The following INTS8 variants were observed in gnomAD, a reference collection of about 807,000 sequenced individuals.
INTS8 encodes the protein protein kaonashi-1.
A neutral mutation model predicts 138.9 loss-of-function variants in INTS8; 47 were observed. The ratio of observed to expected loss-of-function variants is 0.34; its 90% CI spans 0.27 to 0.43. The LOEUF (loss-of-function observed/expected upper bound fraction) is 0.43, where lower values mean the gene tolerates loss of function less well. INTS8 is among the 20% of genes least tolerant of loss of function. The probability of loss-of-function intolerance (pLI) is 1.00; values close to 1 mark genes in which losing one functional copy is unlikely to be tolerated. For missense variants in INTS8, 996 were observed against 1,173.0 expected (o/e 0.85, Z 2.20); for synonymous variants, 392 against 400.9 (o/e 0.98, Z 0.27).
At chr8:94,842,536 CT>C in intron 10 of INTS8, 48 bp downstream of exon 10, 1 of 1,486,418 alleles carries the variant, frequency 6.7e-7, no homozygotes, top group Non-Finnish European at 9.2e-7. Context: ...TTGCTTTAAG[CT>C]TACCAGTGAC....
At chr8:94,858,563 C>T (rs918677266) in intron 15 of INTS8, among the ~76,000 whole-genome samples, 2 of 152,182 alleles carry the variant, frequency 1.3e-5, no homozygotes, top group African/African-American at 4.8e-5. Flanking sequence ...TTGTTGAGTG[C>T]TAACTACGTG....
At chr8:94,829,160 G>A in intron 5 of INTS8, 134 bp downstream of exon 5, 1 of 670,412 alleles carries the variant, frequency 1.5e-6, no homozygotes, top group Non-Finnish European at 2.6e-6. Flanking sequence ...TGGGGGGCGG[G>A]GGGCGAGGAT....
At chr8:94,839,928 T>G (rs1191853241) in intron 8 of INTS8, among the ~76,000 whole-genome samples, 2 of 151,994 alleles carry the variant, frequency 1.3e-5, no homozygotes, top group African/African-American at 4.8e-5. Flanking sequence ...CAAAAAAACC[T>G]CTCTGGAGTG....
In INTS8 at chr8:94,827,402, T is replaced by C; in HGVS notation, c.445T>C (p.Trp149Arg). The change falls in exon 3 of 27, where the codon TGG (tryptophan) becomes CGG (arginine). Residue 149 changes from tryptophan to arginine, a missense_variant and splice_region_variant. Coordinates refer to ENST00000523731, the MANE Select transcript of INTS8 (RefSeq NM_017864.4). ...TAMAVLLYNR[W>R]AIRTIVQSSF... ...CATGGCTGTACTTCTCTATAATAGA[T>C]GGTAAATGTTTTCATAAACTCAGAA... The C allele has an allele frequency of 6.2e-7, 1 of 1,613,996 alleles. No homozygotes were observed. Among genetic ancestry groups the C allele is most frequent in the Non-Finnish European group, 8.5e-7 (1 of 1,179,958 alleles).
At chr8:94,829,074 G>C in intron 5 of INTS8, 48 bp downstream of exon 5, 1 of 1,379,796 alleles carries the variant, frequency 7.2e-7, no homozygotes, top group South Asian at 1.2e-5. Flanking sequence ...AACAACTTTA[G>C]AGCAGCAGTT....
rs191678710 is a variant in INTS8, at chr8:94,848,257, C to T, written c.1261-1205C>T. On this transcript the variant is annotated intron_variant, in intron 10 of 26. Transcript: ENST00000523731. ...GGAACTCTTGACCTCAGGTGATCCA[C>T]CTGTCTCAGCCTCCCAAAGTGCTGG... Among the ~76,000 whole-genome samples, 18 of 152,254 alleles carry T rather than the reference C, an allele frequency of 1.2e-4. No individual in the cohort carries two copies. The East Asian group carries it at 2.7e-3, about 23-fold the overall frequency.
rs767900642 is a variant in INTS8 at position 94,850,139 on chromosome 8, C to T, written c.1507+48C>T. 4 of 1,274,484 alleles carry T rather than the reference C, an allele frequency of 3.1e-6. No homozygotes were observed. The South Asian group carries it at 5.9e-5, about 19-fold the overall frequency. The allele number at this position is 1,274,484 out of a possible 1,614,324, so 78.9% of individuals were successfully genotyped here. A position where few individuals can be genotyped will look rare whatever the true frequency, so the allele number is the denominator to read the frequency against. On this transcript the variant is annotated intron_variant, in intron 12 of 26. Coordinates refer to ENST00000523731, the MANE Select transcript of INTS8 (RefSeq NM_017864.4). ...CAAAATGTTGGCATGTTTTGCCCCT[C>T]TATTCAAATTAACCTTGAAATATAT...
chr8:94,876,315 GA>G, intron 25 of INTS8, 30 bp downstream of exon 25: 1 of 1,546,768 alleles, frequency 6.5e-7, no homozygotes, highest in South Asian at 1.2e-5. Flanking sequence ...TGTGATGTTA[GA>G]ATGATCCATT....
intron 6 of INTS8, among the ~76,000 whole-genome samples, chr8:94,832,662 G>GT (rs1420591718): frequency 4.4e-4 from 65 of 147,342 alleles, no homozygotes; most frequent in African/African-American, 8.0e-4. Flanking sequence ...TTTTGTTTTT[G>GT]TTTTTTTTTT....
At chr8:94,832,232 A>T in intron 6 of INTS8, 58 bp downstream of exon 6, 5 of 1,187,228 alleles carry the variant, frequency 4.2e-6, no homozygotes, top group Non-Finnish European at 4.9e-6. Flanking sequence ...TTAATATGAG[A>T]TCATCCTCCT....
chr8:94,858,262 T>C (rs1376684826), intron 15 of INTS8, among the ~76,000 whole-genome samples: 1 of 152,214 alleles, frequency 6.6e-6, no homozygotes, highest in Non-Finnish European at 1.5e-5. Context: ...CAGAAGCAAG[T>C]GCTACCGTCT....
At chr8:94,847,369 C>T (rs1274286967) in intron 10 of INTS8, among the ~76,000 whole-genome samples, 1 of 152,066 alleles carries the variant, frequency 6.6e-6, no homozygotes, top group Non-Finnish European at 1.5e-5. Context: ...CTTTCTTGTC[C>T]TTCCTTTGAT....
At chr8:94,851,468 T>C (rs907811899) in intron 12 of INTS8, 85 bp from the exon 13 acceptor site, 2 of 902,720 alleles carry the variant, frequency 2.2e-6, no homozygotes, top group Admixed American at 3.1e-5. Flanking sequence ...TTTATAGATA[T>C]AATACAAAAT....
chr8:94,829,069 CT>C, intron 5 of INTS8, 43 bp downstream of exon 5: 1 of 1,426,816 alleles, frequency 7.0e-7, no homozygotes, highest in South Asian at 1.2e-5. Context: ...TCAGGAACAA[CT>C]TTAGAGCAGC....
intron 12 of INTS8, among the ~76,000 whole-genome samples, chr8:94,850,383 C>T (rs548372950): frequency 6.6e-6 from 1 of 152,096 alleles, no homozygotes; most frequent in Non-Finnish European, 1.5e-5. Flanking sequence ...GAGGCCAAGA[C>T]GGGCGGATCA....
chr8:94,866,807 C>T (rs16917102), intron 18 of INTS8: 49,414 of 231,636 alleles, frequency 0.21, 5,572 homozygotes, highest in African/African-American at 0.27. Flanking sequence ...GTCATATTTA[C>T]TTATTGGACG....
At position 94,852,934 on chromosome 8, in the gene INTS8, A is replaced by G. The variant is rs185286203; in HGVS notation, c.1642-871A>G. Among the ~76,000 whole-genome samples, 5 of 152,284 alleles carry G rather than the reference A, an allele frequency of 3.3e-5. No homozygotes were observed. The East Asian group carries it at 9.7e-4, about 29-fold the overall frequency. ...GTATTTTTAAAAATTGGGTTTAAAC[A>G]TACTAGTAGAGAGAAAATAAAAAAT... On this transcript the variant is annotated intron_variant, in intron 13 of 26. Coordinates refer to ENST00000523731, the MANE Select transcript of INTS8 (RefSeq NM_017864.4).
chr8:94,856,879 G>C lies in INTS8; in HGVS notation c.1855G>C (p.Asp619His), dbSNP rs765194481. ...CATGCTGAATGAGATGTTGCTTTTG[G>C]ATATTCATACACACGAAGCTGGGAC... The part of the protein sequence containing the change: ...QVMLNEMLLL[D>H]IHTHEAGTGQ... Residue 619 changes from aspartate to histidine, a missense_variant, in exon 15 of 27, where the codon GAT becomes CAT. Asp to His is a moderately conservative substitution (Grantham distance 81). Transcript: ENST00000523731. The C allele has an allele frequency of 6.2e-7, 1 of 1,614,080 alleles. No homozygotes were observed. The highest frequency in any genetic ancestry group is 1.7e-5 in the Admixed American group (1 of 60,006).
At chr8:94,852,643 C>T (rs1168340014) in intron 13 of INTS8, among the ~76,000 whole-genome samples, 1 of 151,616 alleles carries the variant, frequency 6.6e-6, no homozygotes, top group Admixed American at 6.6e-5. Context: ...GGCTGGAGTG[C>T]AATGGTGCGA....
Sources: gnomAD v4.1 joint callset for allele counts (sites outside exome capture counted in the v4.1 genomes callset) on GRCh38, gnomAD v4.1.1 for gene constraint, MANE v1.5 for transcripts, NCBI Gene and HGNC (gene_info 2026-07-23, HGNC 2026-07-21) for gene names.